The following CALN1 variants were observed in gnomAD, a reference collection of about 807,000 sequenced individuals.
CALN1 encodes the protein calneuron 1.
CALN1 carries 17 observed loss-of-function variants against 30.6 expected under a neutral mutation model. That is an observed-to-expected ratio of 0.56 (90% confidence interval 0.38 to 0.83). The LOEUF is 0.83. Ranked by LOEUF, CALN1 falls within the 40% of genes least tolerant of loss-of-function variation. The probability of loss-of-function intolerance (pLI) is 0.00; values close to 1 mark genes in which losing one functional copy is unlikely to be tolerated. For missense variants in CALN1, 291 were observed against 354.9 expected (o/e 0.82, Z 1.45); for synonymous variants, 156 against 131.4 (o/e 1.19, Z -1.28).
At chr7:72,079,887 C>T (rs1314459079) in intron 4 of CALN1, among the ~76,000 whole-genome samples, 1 of 150,934 alleles carries the variant, frequency 6.6e-6, no homozygotes, top group African/African-American at 2.4e-5. Context: ...TCTCCTGCCT[C>T]AGCCTCCCGA....
intron 3 of CALN1, among the ~76,000 whole-genome samples, chr7:72,255,424 A>G (rs946743509): frequency 2.2e-5 from 3 of 135,560 alleles, no homozygotes; most frequent in Non-Finnish European, 4.7e-5. Flanking sequence ...TATTATTGTT[A>G]TTTTTTTTGA....
At chr7:72,385,620 C>T (rs2129561101) in intron 2 of CALN1, among the ~76,000 whole-genome samples, 1 of 152,250 alleles carries the variant, frequency 6.6e-6, no homozygotes, top group African/African-American at 2.4e-5. Context: ...GTGTCCCCAC[C>T]CAATGCTCAT....
intron 5 of CALN1, among the ~76,000 whole-genome samples, chr7:71,988,987 C>T (rs1798814614): frequency 6.6e-6 from 1 of 152,156 alleles, no homozygotes; most frequent in Non-Finnish European, 1.5e-5. Context: ...GTTTATTTGC[C>T]TCAAAGCCCT....
chr7:72,268,272 G>C (rs532116742), intron 3 of CALN1, among the ~76,000 whole-genome samples: 1 of 152,070 alleles, frequency 6.6e-6, no homozygotes, highest in East Asian at 1.9e-4. Flanking sequence ...CGGAGAAGGA[G>C]GAAGGAGCTC....
chr7:72,336,654 A>G lies in CALN1; in HGVS notation c.120-57844T>C. The G allele has an allele frequency of 9.2e-6, 9 of 979,270 alleles. No homozygotes were observed. In the South Asian group the frequency reaches 2.4e-4, roughly 26 times the overall value. 60.7% of individuals were successfully genotyped at this position (979,270 alleles called of 1,614,324 possible). On this transcript the variant is annotated intron_variant, in intron 2 of 6. Coordinates refer to ENST00000395275, the MANE Select transcript of CALN1 (RefSeq NM_031468.4). ...GAGAAGCGAGGACCGAGGGAAGAAGAAAAGAGAGCGCGCGCGCGGGTAAGC... is the reference window on the plus strand; with the variant it reads ...GAGAAGCGAGGACCGAGGGAAGAAGGAAAGAGAGCGCGCGCGCGGGTAAGC...
chr7:71,996,422 C>G (rs996685903), intron 5 of CALN1, among the ~76,000 whole-genome samples: 2 of 152,120 alleles, frequency 1.3e-5, no homozygotes, highest in African/African-American at 4.8e-5. Flanking sequence ...GTGTTGTTCC[C>G]CTCCCTGTGT....
chr7:72,066,445 G>A (rs754309134), intron 4 of CALN1, among the ~76,000 whole-genome samples: 2 of 151,762 alleles, frequency 1.3e-5, no homozygotes, highest in African/African-American at 2.4e-5. Context: ...ATGCTTTGGT[G>A]AAATCCAGAT....
intron 3 of CALN1, among the ~76,000 whole-genome samples, chr7:72,223,134 CAT>C (rs777173416): frequency 1.3e-5 from 2 of 152,132 alleles, no homozygotes; most frequent in Admixed American, 6.6e-5. Context: ...GGCAACAAAA[CAT>C]AATCAGAATG....
intron 2 of CALN1, among the ~76,000 whole-genome samples, chr7:72,311,234 A>G (rs1800024343): frequency 6.6e-6 from 1 of 152,164 alleles, no homozygotes; most frequent in Admixed American, 6.5e-5. Context: ...GGTTTCCTTA[A>G]TAACATTTTC....
chr7:72,308,556 C>A (rs147508707), intron 2 of CALN1, among the ~76,000 whole-genome samples: 1 of 152,006 alleles, frequency 6.6e-6, no homozygotes, highest in Non-Finnish European at 1.5e-5. Flanking sequence ...AATGAATGAA[C>A]GATATGAGGG....
chr7:71,808,785 G>A (rs901436001), intron 6 of CALN1, among the ~76,000 whole-genome samples: 2 of 152,122 alleles, frequency 1.3e-5, no homozygotes, highest in Non-Finnish European at 2.9e-5. Context: ...TAGCAGTAGA[G>A]CGCTTGAGCC....
chr7:72,086,421 AGTT>A (rs1381802448), intron 4 of CALN1, among the ~76,000 whole-genome samples: 4 of 152,022 alleles, frequency 2.6e-5, no homozygotes, highest in South Asian at 4.1e-4. Flanking sequence ...CAATTATTGT[AGTT>A]GTTATTATTA....
intron 2 of CALN1, among the ~76,000 whole-genome samples, chr7:72,317,086 G>GAGAGACAAAGAAAC (rs1554367068): frequency 1.4e-5 from 2 of 143,142 alleles, no homozygotes; most frequent in Non-Finnish European, 3.0e-5. Flanking sequence ...CAGAAAGAGA[G>GAGAGACAAAGAAAC]AGAGAGAGGG....
chr7:72,205,551 A>AAATATATACAT, intron 3 of CALN1, among the ~76,000 whole-genome samples: 1,134 of 82,892 alleles, frequency 0.014, 161 homozygotes, highest in East Asian at 0.084. Context: ...GCAAAAAAAA[A>AAATATATACAT]ATATATATAT....
intron 5 of CALN1, among the ~76,000 whole-genome samples, chr7:71,886,465 C>A (rs147769145): frequency 6.6e-6 from 1 of 152,184 alleles, no homozygotes; most frequent in African/African-American, 2.4e-5. Flanking sequence ...ATGCAAGAGT[C>A]TGCGGTCAAT....
chr7:72,089,986 C>G (rs1212136601), intron 4 of CALN1, among the ~76,000 whole-genome samples: 1 of 152,120 alleles, frequency 6.6e-6, no homozygotes, highest in Non-Finnish European at 1.5e-5. Flanking sequence ...TAGCAAATAT[C>G]AGGTTATACT....
intron 5 of CALN1, among the ~76,000 whole-genome samples, chr7:71,910,702 C>T (rs959432248): frequency 2.0e-5 from 3 of 152,160 alleles, no homozygotes; most frequent in Admixed American, 6.5e-5. Context: ...ATTCTAGCAG[C>T]CTCATCTTGC....
intron 5 of CALN1, among the ~76,000 whole-genome samples, chr7:71,857,022 G>GTGTGTGTGTGTGTA (rs1562845059): frequency 1.9e-5 from 2 of 106,816 alleles, no homozygotes; most frequent in African/African-American, 1.2e-4. Flanking sequence ...ATGTATGTGT[G>GTGTGTGTGTGTGTA]TGTGTGTGTG....
At chr7:72,089,162 TAACA>T (rs1326996153) in intron 4 of CALN1, among the ~76,000 whole-genome samples, 2 of 152,050 alleles carry the variant, frequency 1.3e-5, no homozygotes, top group Non-Finnish European at 2.9e-5. Context: ...ACATTAAAAT[TAACA>T]AAGAACAGAA....
Sources: allele counts gnomAD v4.1 joint callset (sites outside exome capture counted in the v4.1 genomes callset), GRCh38; gene constraint gnomAD v4.1.1; transcripts MANE v1.5; gene names NCBI Gene and HGNC (gene_info 2026-07-23, HGNC 2026-07-21).